PKIG: variants seen among roughly 807,000 people sequenced by gnomAD.
The protein encoded by PKIG is cAMP-dependent protein kinase inhibitor gamma, also known as protein kinase (cAMP-dependent, catalytic) inhibitor gamma.
Under a neutral mutation model 6.8 loss-of-function variants are expected in PKIG, and 1 was observed. The ratio of observed to expected loss-of-function variants is 0.15; its 90% CI spans 0.05 to 0.69. The LOEUF (loss-of-function observed/expected upper bound fraction) is 0.69, where lower values mean the gene tolerates loss of function less well. Ranked by LOEUF, PKIG falls within the 30% of genes least tolerant of loss-of-function variation. The pLI is 0.82. For missense variants in PKIG, 77 were observed against 104.0 expected, an observed-to-expected ratio of 0.74 and a Z score of 1.13; for synonymous variants, 39 against 43.0, an observed-to-expected ratio of 0.91 and a Z score of 0.36.
Position 44,564,989 on chromosome 20 carries a change from A to G in PKIG, c.-240-17596A>G, listed in dbSNP as rs2064798331. On this transcript the variant is annotated intron_variant, in intron 1 of 4. Transcript: ENST00000372887. The stretch of plus-strand genomic sequence containing the variant: ...TTAATAAAAATAAAGAAAATCAGCA[A>G]TTCTTTTTCTTCATTAGGACGTGTT... Among the ~76,000 whole-genome samples the G allele has an allele frequency of 2.0e-5, 3 of 152,324 alleles. No homozygotes were observed. In the South Asian group the frequency reaches 6.2e-4, roughly 32 times the overall value.
intron 2 of PKIG, among the ~76,000 whole-genome samples, chr20:44,598,263 A>G (rs1249486546): frequency 6.6e-6 from 1 of 152,200 alleles, no homozygotes; most frequent in African/African-American, 2.4e-5. Context: ...GAGCTAGGTG[A>G]AAGCTGTATA....
chr20:44,548,214 C>T (rs1327352613), intron 1 of PKIG, among the ~76,000 whole-genome samples: 1 of 152,032 alleles, frequency 6.6e-6, no homozygotes, highest in Non-Finnish European at 1.5e-5. Flanking sequence ...GCATCTTATC[C>T]CACACAGGCA....
chr20:44,544,732 C>A (rs146666643), intron 1 of PKIG, among the ~76,000 whole-genome samples: 1 of 152,242 alleles, frequency 6.6e-6, no homozygotes, highest in African/African-American at 2.4e-5. Context: ...GTACACATTG[C>A]CATTCCCCAA....
At chr20:44,577,374 C>A (rs2064908039) in intron 1 of PKIG, among the ~76,000 whole-genome samples, 1 of 151,904 alleles carries the variant, frequency 6.6e-6, no homozygotes, top group African/African-American at 2.4e-5. Context: ...CCTCAAGTGA[C>A]CTGCTCGCCT....
chr20:44,613,922 G>C (rs183016883), intron 2 of PKIG, among the ~76,000 whole-genome samples: 2 of 152,320 alleles, frequency 1.3e-5, no homozygotes, highest in Non-Finnish European at 2.9e-5. Context: ...GCTCCCGCCT[G>C]CTGGCTCTTT....
rs563654664 is a variant in PKIG at position 44,609,698 on chromosome 20, G to C, written c.-23-4836G>C. Among the ~76,000 whole-genome samples the C allele has an allele frequency of 1.7e-4, 26 of 152,348 alleles. No individual in the cohort carries two copies. In the South Asian group the frequency reaches 5.4e-3, roughly 32 times the overall value. ...TGGGAAAAATCCAGACCAAATTCCT[G>C]TTCCCGTGGAGCTGACAGTCTAACT... On this transcript the variant is annotated intron_variant, in intron 2 of 3. Transcript: ENST00000372886.
rs2123497557 is a variant in PKIG at position 44,618,342 on chromosome 20, G to C, written c.209G>C (p.Ser70Thr). The C allele has an allele frequency of 6.2e-7, 1 of 1,612,708 alleles. No homozygotes were observed. The highest frequency in any genetic ancestry group is 2.2e-5 in the East Asian group (1 of 44,872). Residue 70 changes from serine to threonine, a missense_variant, in exon 4 of 4, where the codon AGC (serine) becomes ACC (threonine). Transcript: ENST00000372886. ...GAAGCTGGCAACCAGCCCCAGAGCA[G>C]CGATGGGACCACCTCGTCTTGAATC... is the stretch of plus-strand genomic sequence containing the variant. The part of the protein sequence containing the change: ...DKEAGNQPQS[S>T]DGTTSS
intron 1 of PKIG, among the ~76,000 whole-genome samples, chr20:44,557,656 TAAAA>T (rs3092366): frequency 1.7e-4 from 21 of 124,632 alleles, no homozygotes; most frequent in Non-Finnish European, 3.0e-4. Flanking sequence ...CTGTCTCTAC[TAAAA>T]AAAAAAAAAA....
chr20:44,603,649 C>T (rs1030556450), intron 2 of PKIG, among the ~76,000 whole-genome samples: 2 of 152,154 alleles, frequency 1.3e-5, no homozygotes, highest in African/African-American at 2.4e-5. Context: ...CCTCCGTTTC[C>T]GCAGCTGTTG....
At chr20:44,534,384 T>G (rs1018488860) in intron 1 of PKIG, among the ~76,000 whole-genome samples, 21 of 151,994 alleles carry the variant, frequency 1.4e-4, no homozygotes, top group Non-Finnish European at 1.2e-4. Flanking sequence ...AAGGTATAAG[T>G]GTGGAAGGAA....
chr20:44,542,310 A>G (rs1020079084), intron 1 of PKIG, among the ~76,000 whole-genome samples: 4 of 151,938 alleles, frequency 2.6e-5, no homozygotes, highest in South Asian at 2.1e-4. Flanking sequence ...AAGCTTGGCC[A>G]CTCGAAGGGG....
At chr20:44,570,982 C>T (rs1263807196) in intron 1 of PKIG, among the ~76,000 whole-genome samples, 1 of 152,130 alleles carries the variant, frequency 6.6e-6, no homozygotes, top group Non-Finnish European at 1.5e-5. Context: ...GCCTGTAATT[C>T]CAGCACTTTG....
At chr20:44,539,643 T>G (rs1054589112) in intron 1 of PKIG, among the ~76,000 whole-genome samples, 10 of 151,990 alleles carry the variant, frequency 6.6e-5, no homozygotes, top group Non-Finnish European at 1.2e-4. Flanking sequence ...GGTCTTGAAC[T>G]TCTGACCTCA....
chr20:44,548,446 G>A (rs948532678), intron 1 of PKIG, among the ~76,000 whole-genome samples: 10 of 152,048 alleles, frequency 6.6e-5, no homozygotes, highest in African/African-American at 1.9e-4. Context: ...CTTTGTTTCC[G>A]TTTGCAAAAT....
intron 1 of PKIG, among the ~76,000 whole-genome samples, chr20:44,565,643 A>G (rs2064804066): frequency 6.6e-6 from 1 of 152,250 alleles, no homozygotes; most frequent in Non-Finnish European, 1.5e-5. Context: ...AGTTAGATGC[A>G]GTTAGCCCAT....
intron 1 of PKIG, among the ~76,000 whole-genome samples, chr20:44,570,787 C>T (rs984426992): frequency 6.6e-6 from 1 of 152,144 alleles, no homozygotes; most frequent in Non-Finnish European, 1.5e-5. Context: ...GGACGCTTAA[C>T]AGAAAGTGAC....
intron 1 of PKIG, among the ~76,000 whole-genome samples, chr20:44,570,408 G>A (rs2064844460): frequency 6.6e-6 from 1 of 152,186 alleles, no homozygotes; most frequent in Non-Finnish European, 1.5e-5. Context: ...TTTAAAAAGT[G>A]TGCACATTTA....
chr20:44,562,292 TAAAG>T (rs1350290594), intron 1 of PKIG, among the ~76,000 whole-genome samples: 3 of 151,410 alleles, frequency 2.0e-5, no homozygotes, highest in South Asian at 2.1e-4. Context: ...AAGACAGAAA[TAAAG>T]AAAGGAGCAC....
chr20:44,578,094 A>T (rs1240700658), upstream of PKIG, among the ~76,000 whole-genome samples: 3 of 151,768 alleles, frequency 2.0e-5, no homozygotes. Context: ...TAATCCCAGC[A>T]CTTTGGGAGG....
Sources: allele counts gnomAD v4.1 joint callset (sites outside exome capture counted in the v4.1 genomes callset), GRCh38; gene constraint gnomAD v4.1.1; transcripts MANE v1.5; gene names NCBI Gene and HGNC (gene_info 2026-07-23, HGNC 2026-07-21).